Variants in HPCAL4 observed in about 807,000 individuals in gnomAD.
HPCAL4 encodes the protein hippocalcin-like protein 4.
A neutral mutation model predicts 18.2 loss-of-function variants in HPCAL4; 16 were observed. That is an observed-to-expected ratio of 0.88 (90% CI 0.59 to 1.33). The LOEUF (loss-of-function observed/expected upper bound fraction) is 1.33, where lower values mean the gene tolerates loss of function less well. HPCAL4 is among the 40% of genes most tolerant of loss of function. HPCAL4 has a pLI of 0.00. For synonymous variants in HPCAL4, 80 were observed against 97.5 expected, an observed-to-expected ratio of 0.82 and a Z score of 1.06; for missense variants, 214 against 256.6, an observed-to-expected ratio of 0.83 and a Z score of 1.14.
chr1:39,684,708 G>A (rs1646659542), intron 1 of HPCAL4, 97 bp from the exon 2 acceptor site: 1 of 1,084,172 alleles, frequency 9.2e-7, no homozygotes, highest in South Asian at 1.8e-5. Flanking sequence ...CGGGGTTGCA[G>A]GTTCCTTCCC....
intron 1 of HPCAL4, among the ~76,000 whole-genome samples, chr1:39,687,954 G>A (rs923187165): frequency 8.6e-5 from 13 of 151,972 alleles, no homozygotes; most frequent in Admixed American, 5.9e-4. Context: ...AAAACTGGCC[G>A]TGCCCTTTAA....
At chr1:39,685,903 C>G (rs1221421159) in intron 1 of HPCAL4, among the ~76,000 whole-genome samples, 1 of 145,608 alleles carries the variant, frequency 6.9e-6, no homozygotes, top group Non-Finnish European at 1.5e-5. Context: ...ATATATTGGC[C>G]GGGCGCAGTG....
intron 1 of HPCAL4, among the ~76,000 whole-genome samples, chr1:39,690,442 A>C (rs1302618907): frequency 6.6e-6 from 1 of 152,252 alleles, no homozygotes; most frequent in Non-Finnish European, 1.5e-5. Context: ...CCCACGGAGC[A>C]GCAGGAAGGT....
At position 39,682,539 on chromosome 1, in the gene HPCAL4, C is replaced by T; in HGVS notation, c.573G>A (p.Lys191=). 1 of 1,614,222 alleles carries T rather than the reference C, an allele frequency of 6.2e-7. No homozygotes were observed. Among genetic ancestry groups the T allele is most frequent in the Non-Finnish European group, 8.5e-7 (1 of 1,180,026 alleles). ...GGACCCTGCCCCTCACCAGCTTCTA[C>T]TTCTGCATGTCACACTGCAGCAGCA... ...IVLLLQCDMQ[K] is the part of the protein sequence containing the mutation. The change falls in exon 4 of 4, where the codon AAG becomes AAA. Residue 191 remains lysine, a synonymous_variant. Transcript: ENST00000372844.
chr1:39,682,824 TG>T (rs998943224), intron 3 of HPCAL4, 91 bp from the exon 4 acceptor site: 11 of 936,456 alleles, frequency 1.2e-5, no homozygotes, highest in Non-Finnish European at 1.7e-5. Flanking sequence ...GGGAGAACAC[TG>T]GGGGTTGGTG....
chr1:39,690,556 G>T (rs933583136), intron 1 of HPCAL4, among the ~76,000 whole-genome samples: 4 of 152,128 alleles, frequency 2.6e-5, no homozygotes, highest in African/African-American at 9.7e-5. Flanking sequence ...AGGTATGGAG[G>T]TTGGGGCCTT....
chr1:39,685,160 G>A (rs1383307470), intron 1 of HPCAL4, among the ~76,000 whole-genome samples: 1 of 152,208 alleles, frequency 6.6e-6, no homozygotes, highest in Non-Finnish European at 1.5e-5. Context: ...CATTCCCTGA[G>A]CATTTATTGA....
intron 1 of HPCAL4, among the ~76,000 whole-genome samples, chr1:39,690,182 G>T (rs1646707456): frequency 6.6e-6 from 1 of 152,098 alleles, no homozygotes; most frequent in Non-Finnish European, 1.5e-5. Flanking sequence ...CTTGGTTCAG[G>T]ATCCTGTTTT....
intron 1 of HPCAL4, among the ~76,000 whole-genome samples, chr1:39,688,965 A>T (rs1332239149): frequency 1.3e-5 from 2 of 151,908 alleles, no homozygotes; most frequent in East Asian, 3.9e-4. Flanking sequence ...TAGCCCTCTG[A>T]CCCTCACCTG....
At chr1:39,683,283 C>A (rs1046022794) in intron 3 of HPCAL4, among the ~76,000 whole-genome samples, 3 of 152,184 alleles carry the variant, frequency 2.0e-5, no homozygotes, top group Non-Finnish European at 4.4e-5. Context: ...TCCTGGCTCC[C>A]CGTATGACCA....
intron 2 of HPCAL4, 43 bp downstream of exon 2, chr1:39,684,399 A>G (rs768332240): frequency 5.2e-6 from 8 of 1,546,418 alleles, no homozygotes; most frequent in South Asian, 1.2e-5. Flanking sequence ...GCCTCCCCCA[A>G]CCCGGGTACT....
At chr1:39,683,842 CA>C (rs113549324) in intron 3 of HPCAL4, 94 bp downstream of exon 3, 2 of 1,089,452 alleles carry the variant, frequency 1.8e-6, no homozygotes, top group Non-Finnish European at 2.7e-6. Context: ...TGGGGAGCAG[CA>C]GGGAGGCCCC....
At position 39,684,119 on chromosome 1, in the gene HPCAL4, G is replaced by T. The variant is rs202028658; in HGVS notation, c.196C>A (p.Gln66Lys). 340 of 1,613,390 alleles carry T rather than the reference G, an allele frequency of 2.1e-4. No homozygotes were observed. Among genetic ancestry groups the T allele is most frequent in the Non-Finnish European group, 2.5e-4 (295 of 1,179,810 alleles). ...FPYGDASKFA[Q>K]HAFRTFDKNG... ...TTGTCGAAGGTGCGGAAAGCGTGCT[G>T]CGCGAACTTGGAGGCGTCGCCGTAG... Residue 66 changes from glutamine to lysine, a missense_variant, in exon 3 of 4, where the codon CAG becomes AAG. Physicochemically the swap from Gln to Lys is moderately conservative, Grantham distance 53. Coordinates refer to ENST00000372844, the MANE Select transcript of HPCAL4 (RefSeq NM_016257.4).
Position 39,680,124 on chromosome 1 carries a change from C to G in HPCAL4, c.*2412G>C, listed in dbSNP as rs1044198190. ...GACCACAATCTCAGAAGCTTTTTAG[C>G]AGGAAGCCTATAAAGGATGAATATC... On this transcript the variant is annotated 3_prime_UTR_variant, in exon 4 of 4. Coordinates refer to ENST00000372844, the MANE Select transcript of HPCAL4 (RefSeq NM_016257.4). The G allele has an allele frequency of 1.3e-5, 2 of 152,608 alleles. No homozygotes were observed. Among genetic ancestry groups the G allele is most frequent in the African/African-American group, 2.4e-5 (1 of 41,430 alleles). The allele number at this position is 152,608 out of a possible 1,614,324, so 9.5% of individuals were successfully genotyped here. A position where few individuals can be genotyped will look rare whatever the true frequency, so the allele number is the denominator to read the frequency against.
chr1:39,679,717 A>G lies in HPCAL4; in HGVS notation c.*2819T>C, dbSNP rs986781297. On this transcript the variant is annotated 3_prime_UTR_variant, in exon 4 of 4. Transcript: ENST00000372844. ...TCTACCACAGTGCTCCTGAGCACACAGTCCCTGGGACACCCAGGAGTATGC... is the reference window on the plus strand; with the variant it reads ...TCTACCACAGTGCTCCTGAGCACACGGTCCCTGGGACACCCAGGAGTATGC... 1 of 152,256 alleles carries G rather than the reference A, an allele frequency of 6.6e-6. No homozygotes were observed. The highest frequency in any genetic ancestry group is 1.5e-5 in the Non-Finnish European group (1 of 68,046). 9.4% of individuals were successfully genotyped at this position (152,256 alleles called of 1,614,324 possible).
chr1:39,679,911 C>T lies in HPCAL4; in HGVS notation c.*2625G>A, dbSNP rs187281140. 5.4e-4 allele frequency: 82 copies of T among 152,664 alleles called. No individual in the cohort carries two copies. Among genetic ancestry groups the T allele is most frequent in the Admixed American group, 1.6e-3 (24 of 15,308 alleles). 9.5% of individuals were successfully genotyped at this position (152,664 alleles called of 1,614,324 possible). ...TCCAGAAGCCTGGAGTAATCAAACA[C>T]GCCTTCATGGGTAGGCATGTTTCTC... On this transcript the variant is annotated 3_prime_UTR_variant, in exon 4 of 4. Coordinates refer to ENST00000372844, the MANE Select transcript of HPCAL4 (RefSeq NM_016257.4).
chr1:39,688,388 T>C (rs1272847370), intron 1 of HPCAL4, among the ~76,000 whole-genome samples: 2 of 152,176 alleles, frequency 1.3e-5, no homozygotes, highest in South Asian at 2.1e-4. Flanking sequence ...CTTCATTTTT[T>C]CCCTTCCCTT....
At chr1:39,687,313 C>G (rs538862563) in intron 1 of HPCAL4, among the ~76,000 whole-genome samples, 1 of 152,344 alleles carries the variant, frequency 6.6e-6, no homozygotes, top group South Asian at 2.1e-4. Context: ...CACCCCTCTC[C>G]CAAATCCAAA....
intron 1 of HPCAL4, among the ~76,000 whole-genome samples, chr1:39,686,016 C>A (rs1646671602): frequency 6.6e-6 from 1 of 151,116 alleles, no homozygotes; most frequent in Non-Finnish European, 1.5e-5. Context: ...CCCATCTCTA[C>A]TAAAAATACA....
Sources: gnomAD v4.1 joint callset for allele counts (sites outside exome capture counted in the v4.1 genomes callset) on GRCh38, gnomAD v4.1.1 for gene constraint, MANE v1.5 for transcripts, NCBI Gene and HGNC (gene_info 2026-07-23, HGNC 2026-07-21) for gene names.